The following PTPRB variants were observed in gnomAD, a reference collection of about 807,000 sequenced individuals.
The protein encoded by PTPRB is receptor-type tyrosine-protein phosphatase beta.
PTPRB carries 97 observed loss-of-function variants against 238.1 expected under a neutral mutation model. That is an observed-to-expected ratio of 0.41 (90% confidence interval 0.35 to 0.48). The LOEUF is 0.48. PTPRB is among the 20% of genes least tolerant of loss of function. The probability of loss-of-function intolerance (pLI) is 0.30; values close to 1 mark genes in which losing one functional copy is unlikely to be tolerated. For missense variants in PTPRB, 2,292 were observed against 2,681.9 expected, an observed-to-expected ratio of 0.85 and a Z score of 3.21; for synonymous variants, 970 against 995.4, an observed-to-expected ratio of 0.97 and a Z score of 0.48.
At chr12:70,568,701 G>C (rs1412831641) in intron 14 of PTPRB, among the ~76,000 whole-genome samples, 1 of 152,206 alleles carries the variant, frequency 6.6e-6, no homozygotes, top group East Asian at 1.9e-4. Context: ...TGGTATAGAA[G>C]CCCCAGACCC....
At chr12:70,590,969 G>C (rs190158736) in intron 7 of PTPRB, among the ~76,000 whole-genome samples, 1 of 134,916 alleles carries the variant, frequency 7.4e-6, no homozygotes, top group Non-Finnish European at 1.6e-5. Context: ...TTTGAGACAG[G>C]GTCACACTCT....
Position 70,596,042 on chromosome 12 carries a change from G to C in PTPRB, c.1258+7C>G. ...AACTACTCAGCTATAAAATAAACAG[G>C]TCTTACCTGTTGATCCATTGGTATA... On this transcript the variant is annotated splice_region_variant and intron_variant, in intron 5 of 33. Transcript: ENST00000334414. 1 of 1,582,852 alleles carries C rather than the reference G, an allele frequency of 6.3e-7. No individual in the cohort carries two copies. The highest frequency in any genetic ancestry group is 1.1e-5 in the South Asian group (1 of 87,076).
intron 3 of PTPRB, among the ~76,000 whole-genome samples, chr12:70,610,518 G>A (rs1388560462): frequency 6.6e-6 from 1 of 151,402 alleles, no homozygotes; most frequent in Non-Finnish European, 1.5e-5. Flanking sequence ...ATTTCCCCAG[G>A]TCGCCTGCAC....
At chr12:70,622,706 A>G (rs1884999624) in intron 2 of PTPRB, 60 bp from the exon 3 acceptor site, 13 of 1,478,408 alleles carry the variant, frequency 8.8e-6, no homozygotes, top group Non-Finnish European at 1.2e-5. Context: ...TTCTTCACAT[A>G]AAATCAATTT....
Position 70,569,770 on chromosome 12 carries a change from G to A in PTPRB, c.3539C>T (p.Thr1180Met), listed in dbSNP as rs770052176. 10 of 1,613,872 alleles carry A rather than the reference G, an allele frequency of 6.2e-6. 1 individual carries two copies. The South Asian group carries it at 6.6e-5, about 11-fold the overall frequency. The change falls in exon 14 of 34, where the codon ACG becomes ATG. Residue 1180 changes from threonine (T) to methionine (M), a missense_variant. Coordinates refer to ENST00000334414, the MANE Select transcript of PTPRB (RefSeq NM_001109754.4). ...CTCCCCGGCCTCCAGTCTGTGGAACGTGTGCTCAAAGACGTGCTTGGGAAT... is the reference window on the plus strand; with the variant it reads ...CTCCCCGGCCTCCAGTCTGTGGAACATGTGCTCAAAGACGTGCTTGGGAAT... ...QTIPKHVFEHTFHRLEAGEQY... is the reference protein window; with the variant it reads ...QTIPKHVFEHMFHRLEAGEQY...
In PTPRB at chr12:70,610,887, TA is replaced by T. The variant is rs111997164; in HGVS notation, c.709-1549del. Among the ~76,000 whole-genome samples the T allele has an allele frequency of 1.3e-3, 198 of 149,870 alleles. 2 individuals are homozygous for T. The highest frequency in any genetic ancestry group is 8.2e-3 in the East Asian group (42 of 5,140). On this transcript the variant is annotated intron_variant, in intron 3 of 33. Transcript: ENST00000334414. ...TGTTGATAGTCAGCTCTCCACAAGT[TA>T]AAAAAAAAATGGCATTTATTCAGCG...
At chr12:70,543,700 G>A (rs917760470) in intron 22 of PTPRB, among the ~76,000 whole-genome samples, 1 of 152,180 alleles carries the variant, frequency 6.6e-6, no homozygotes, top group African/African-American at 2.4e-5. Context: ...CTACGCAGAC[G>A]ATGGTGTTGG....
rs368632993 is a variant in PTPRB, at chr12:70,538,964, C to T, written c.5829G>A (p.Pro1943=). The change falls in exon 27 of 34, where the codon CCG becomes CCA. Residue 1943 remains proline, a synonymous_variant. Transcript: ENST00000334414. The part of the protein sequence containing the change: ...RNQSCDIALL[P]ENRGKNRYNN... Reference sequence around the variant, plus strand: ...TGTATCGATTTTTCCCTCTATTCTCCGGCAAGAGTGCAATGTCACATGACT... The same window carrying T: ...TGTATCGATTTTTCCCTCTATTCTCTGGCAAGAGTGCAATGTCACATGACT... 34 of 1,613,582 alleles carry T rather than the reference C, an allele frequency of 2.1e-5. No individual in the cohort carries two copies. In the East Asian group the frequency reaches 4.0e-4, roughly 19 times the overall value.
intron 4 of PTPRB, among the ~76,000 whole-genome samples, chr12:70,597,078 C>T (rs943139119): frequency 2.6e-5 from 4 of 151,672 alleles, no homozygotes; most frequent in African/African-American, 7.3e-5. Context: ...CCACTGTGTC[C>T]GGTGAATTTT....
Position 70,552,842 on chromosome 12 carries a change from A to G in PTPRB, c.5322T>C (p.Gly1774=), listed in dbSNP as rs779539081. The stretch of plus-strand genomic sequence containing the variant: ...TTTGCTGAGTGGGATCGCATTTTCC[A>G]CCTAGGCTCTCCATCTCTGCTCCAA... ...IKLGAEMESL[G]GKCDPTQQKF... Residue 1774 remains glycine (G), a synonymous_variant, in exon 21 of 34, where the codon GGT becomes GGC. Transcript: ENST00000334414. The G allele has an allele frequency of 6.2e-7, 1 of 1,613,898 alleles. No individual in the cohort carries two copies. Among genetic ancestry groups the G allele is most frequent in the African/African-American group, 1.3e-5 (1 of 74,996 alleles).
chr12:70,554,310 A>G (rs1011400422), intron 20 of PTPRB, among the ~76,000 whole-genome samples: 59 of 152,250 alleles, frequency 3.9e-4, no homozygotes, highest in Admixed American at 5.9e-4. Flanking sequence ...TAAGAAACTC[A>G]TGCAGCACCT....
At chr12:70,601,160 C>T (rs1243947636) in intron 4 of PTPRB, among the ~76,000 whole-genome samples, 2 of 152,030 alleles carry the variant, frequency 1.3e-5, no homozygotes, top group Non-Finnish European at 2.9e-5. Context: ...GCTAGCGTGC[C>T]CAGCCTAATT....
At chr12:70,596,530 A>C (rs988277153) in intron 4 of PTPRB, among the ~76,000 whole-genome samples, 24 of 152,122 alleles carry the variant, frequency 1.6e-4, no homozygotes, top group Admixed American at 1.3e-4. Context: ...AAAAAAAAAA[A>C]AACCCATTTA....
At chr12:70,622,247 T>C in intron 3 of PTPRB, 143 bp downstream of exon 3, 1 of 1,249,936 alleles carries the variant, frequency 8.0e-7, no homozygotes, top group African/African-American at 1.5e-5. Context: ...AATGCTTTCC[T>C]GTACAATTAG....
intron 10 of PTPRB, among the ~76,000 whole-genome samples, chr12:70,580,480 T>C (rs1881257680): frequency 6.6e-6 from 1 of 152,234 alleles, no homozygotes; most frequent in South Asian, 2.1e-4. Flanking sequence ...AATAGGGGGA[T>C]AAGTCTAGAC....
At chr12:70,595,969 T>C (rs1210200557) in intron 5 of PTPRB, 80 bp downstream of exon 5, 4 of 1,295,496 alleles carry the variant, frequency 3.1e-6, no homozygotes, top group Non-Finnish European at 4.1e-6. Context: ...GGAGTAGCAA[T>C]CTTACTCCTA....
intron 31 of PTPRB, 65 bp downstream of exon 31, chr12:70,534,423 T>C: frequency 6.5e-7 from 1 of 1,538,814 alleles, no homozygotes. Flanking sequence ...TTATGTATTT[T>C]TCCAGACTCC....
intron 15 of PTPRB, among the ~76,000 whole-genome samples, chr12:70,564,066 A>T (rs1878887180): frequency 6.6e-6 from 1 of 152,148 alleles, no homozygotes; most frequent in Non-Finnish European, 1.5e-5. Context: ...CTGTTCCTCC[A>T]ACAGGTCAGA....
rs1288883086 is a variant in PTPRB at position 70,517,346 on chromosome 12, T to C, written c.*4143A>G. 1 of 152,248 alleles carries C rather than the reference T, an allele frequency of 6.6e-6. No homozygotes were observed. Among genetic ancestry groups the C allele is most frequent in the African/African-American group, 2.4e-5 (1 of 41,470 alleles). 9.4% of individuals were successfully genotyped at this position (152,248 alleles called of 1,614,324 possible). ...AAGAGATGCCATTTTATCTTCATGA[T>C]GATGTCTGGTTAGATTCTGTTTTGC... On this transcript the variant is annotated 3_prime_UTR_variant, in exon 34 of 34. Coordinates refer to ENST00000334414, the MANE Select transcript of PTPRB (RefSeq NM_001109754.4).
Sources: gnomAD v4.1 joint callset for allele counts (sites outside exome capture counted in the v4.1 genomes callset) on GRCh38, gnomAD v4.1.1 for gene constraint, MANE v1.5 for transcripts, NCBI Gene and HGNC (gene_info 2026-07-23, HGNC 2026-07-21) for gene names.